Variants in LY6S observed in about 807,000 individuals in gnomAD.
LY6S encodes the protein lymphocyte antigen 6 family member S, also known as lymphocyte antigen 6S.
the LY6S span, among the ~76,000 whole-genome samples, chr8:143,076,093 A>G: frequency 1.3e-5 from 2 of 152,348 alleles, no homozygotes; most frequent in East Asian, 3.9e-4. Flanking sequence ...CTCTGGTTCA[A>G]GAGCTCCCTG....
At chr8:143,046,599 G>A in the LY6S span, among the ~76,000 whole-genome samples, 1 of 151,092 alleles carries the variant, frequency 6.6e-6, no homozygotes, top group East Asian at 2.0e-4. Context: ...AAAAAAATGA[G>A]AGGAATCTAA....
the LY6S span, chr8:143,049,214 T>C: frequency 1.9e-6 from 1 of 534,776 alleles, no homozygotes; most frequent in Non-Finnish European, 3.8e-6. Context: ...TGCAGGATTC[T>C]CTCGGCACCA....
At chr8:143,072,776 G>A in the LY6S span, among the ~76,000 whole-genome samples, 3 of 138,658 alleles carry the variant, frequency 2.2e-5, no homozygotes, top group African/African-American at 8.4e-5. Flanking sequence ...TGAGGAGACA[G>A]CCGTCGTCCC....
the LY6S span, among the ~76,000 whole-genome samples, chr8:143,067,828 G>A: frequency 1.3e-5 from 2 of 152,238 alleles, no homozygotes; most frequent in Non-Finnish European, 2.9e-5. Context: ...ACATCTCAGT[G>A]TAGCAAAGAG....
the LY6S span, among the ~76,000 whole-genome samples, chr8:143,045,468 A>G: frequency 6.6e-6 from 1 of 151,998 alleles, no homozygotes; most frequent in South Asian, 2.1e-4. The surrounding 1 kb of genome is among the most constrained non-coding windows in gnomAD (Gnocchi z 5.3). Flanking sequence ...CCGGCTCTCC[A>G]TCTCCCACCC....
the LY6S span, chr8:143,066,042 C>T: frequency 2.6e-6 from 1 of 388,860 alleles, no homozygotes; most frequent in Admixed American, 3.0e-5. Context: ...ACAACCTACA[C>T]AAGAAAGTAG....
the LY6S span, among the ~76,000 whole-genome samples, chr8:143,041,963 ACGGCCG>A: frequency 6.6e-3 from 7 of 1,060 alleles, 2 homozygotes; most frequent in East Asian, 0.071. Context: ...CCAGGCTGAG[ACGGCCG>A]TCCACCCAGG....
the LY6S span, among the ~76,000 whole-genome samples, chr8:143,067,556 G>A: frequency 6.6e-6 from 1 of 152,216 alleles, no homozygotes; most frequent in African/African-American, 2.4e-5. Context: ...ACAAAGTATA[G>A]AGAAAGAACA....
the LY6S span, among the ~76,000 whole-genome samples, chr8:143,061,511 TGGTTG>T: frequency 6.6e-6 from 1 of 151,904 alleles, no homozygotes; most frequent in Non-Finnish European, 1.5e-5. Flanking sequence ...TTTGGTTGGT[TGGTTG>T]GTTGGTTGGT....
chr8:143,063,011 C>T, the LY6S span, among the ~76,000 whole-genome samples: 4 of 152,166 alleles, frequency 2.6e-5, no homozygotes, highest in Non-Finnish European at 5.9e-5. Context: ...CTGAGTTGGG[C>T]CTGTCCCCTC....
chr8:143,073,464 C>T, the LY6S span, among the ~76,000 whole-genome samples: 194 of 148,934 alleles, frequency 1.3e-3, 3 homozygotes, highest in Middle Eastern at 3.6e-3. Context: ...CAGCCGTCGT[C>T]CCCGGGGCTC....
the LY6S span, among the ~76,000 whole-genome samples, chr8:143,070,490 T>TATATATATATATA: frequency 1.2e-5 from 1 of 86,716 alleles, no homozygotes; most frequent in Non-Finnish European, 2.0e-5. Flanking sequence ...TATATATATA[T>TATATATATATATA]TTTTTTTTTT....
At chr8:143,044,756 C>A in the LY6S span, 1 of 1,367,510 alleles carries the variant, frequency 7.3e-7, no homozygotes, top group South Asian at 1.1e-5. Flanking sequence ...CTGCAGGAGG[C>A]CCCTTCCAAG....
the LY6S span, chr8:143,057,748 G>A: frequency 4.8e-5 from 38 of 787,758 alleles, no homozygotes; most frequent in Middle Eastern, 3.5e-4. Context: ...TCACTGTGTC[G>A]ATCTGATCAG....
the LY6S span, among the ~76,000 whole-genome samples, chr8:143,051,358 T>C: frequency 1.3e-5 from 2 of 152,008 alleles, no homozygotes; most frequent in Non-Finnish European, 2.9e-5. Flanking sequence ...CTAGCCAACA[T>C]GGTGAAACCC....
chr8:143,043,054 A>C, the LY6S span: 5 of 1,367,836 alleles, frequency 3.7e-6, no homozygotes, highest in Non-Finnish European at 4.9e-6. Context: ...CAGCTCTTCA[A>C]AACCAAGCAG....
chr8:143,065,783 T>TTCTCTCTCTTTCTTTC, the LY6S span: 12 of 115,224 alleles, frequency 1.0e-4, no homozygotes, highest in Non-Finnish European at 1.7e-4. Flanking sequence ...CTTTCTTTCT[T>TTCTCTCTCTTTCTTTC]TTTCTTTCTT....
chr8:143,059,533 T>C, the LY6S span: 1 of 152,160 alleles, frequency 6.6e-6, no homozygotes, highest in African/African-American at 2.4e-5. Flanking sequence ...AAATATAAAA[T>C]ATCAATGGTG....
At chr8:143,067,161 T>G in the LY6S span, among the ~76,000 whole-genome samples, 3 of 152,254 alleles carry the variant, frequency 2.0e-5, no homozygotes, top group Non-Finnish European at 4.4e-5. Context: ...GTGAGATACC[T>G]GCTGTGGGGA....
Sources: gnomAD v4.1 joint callset for allele counts (sites outside exome capture counted in the v4.1 genomes callset) on GRCh38, gnomAD v4.1.1 for gene constraint, Gnocchi (gnomAD v3.1) non-coding constraint, MANE v1.5 for transcripts, NCBI Gene and HGNC (gene_info 2026-07-23, HGNC 2026-07-21) for gene names.